The following EFNA5 variants were observed in gnomAD, a reference collection of about 807,000 sequenced individuals.
EFNA5 encodes ephrin-A5.
Under a neutral mutation model 22.9 loss-of-function variants are expected in EFNA5, and 5 were observed. The ratio of observed to expected loss-of-function variants is 0.22; its 90% CI spans 0.11 to 0.46. EFNA5 has a LOEUF of 0.46. Among genes scored for constraint, EFNA5 ranks in the 20% least tolerant of loss-of-function variants. The pLI is 0.99. For synonymous variants in EFNA5, 113 were observed against 112.2 expected, an observed-to-expected ratio of 1.01 and a Z score of -0.04; for missense variants, 237 against 293.3, an observed-to-expected ratio of 0.81 and a Z score of 1.40.
chr5:107,550,670 G>A (rs1432597834), intron 1 of EFNA5, among the ~76,000 whole-genome samples: 1 of 152,120 alleles, frequency 6.6e-6, no homozygotes, highest in African/African-American at 2.4e-5. Context: ...TATTCCCAAA[G>A]AATACCAAAC....
intron 1 of EFNA5, among the ~76,000 whole-genome samples, chr5:107,615,863 G>A (rs1749901875): frequency 1.3e-5 from 2 of 152,158 alleles, no homozygotes; most frequent in Non-Finnish European, 2.9e-5. Flanking sequence ...TGGGTCAGAA[G>A]TTAGACACAC....
chr5:107,573,274 G>A (rs1198500571), intron 1 of EFNA5, among the ~76,000 whole-genome samples: 1 of 152,014 alleles, frequency 6.6e-6, no homozygotes, highest in African/African-American at 2.4e-5. Flanking sequence ...ATGGGCAAAA[G>A]AAACATGCTT....
chr5:107,557,459 G>T (rs931483610), intron 1 of EFNA5, among the ~76,000 whole-genome samples: 2 of 152,252 alleles, frequency 1.3e-5, no homozygotes, highest in Non-Finnish European at 2.9e-5. Flanking sequence ...CCCACTGGCA[G>T]AGTTGAGGGT....
intron 1 of EFNA5, among the ~76,000 whole-genome samples, chr5:107,624,569 T>C (rs923740907): frequency 1.4e-4 from 22 of 152,148 alleles, no homozygotes; most frequent in African/African-American, 5.3e-4. Context: ...TTATCACTTT[T>C]ACTAATTTGG....
chr5:107,460,364 T>G (rs145164706), intron 1 of EFNA5, among the ~76,000 whole-genome samples: 1 of 152,304 alleles, frequency 6.6e-6, no homozygotes, highest in East Asian at 1.9e-4. Context: ...TATTATTGCC[T>G]GCTGACTATT....
At chr5:107,568,157 A>G (rs1051940457) in intron 1 of EFNA5, among the ~76,000 whole-genome samples, 6 of 152,128 alleles carry the variant, frequency 3.9e-5, no homozygotes, top group African/African-American at 1.4e-4. Context: ...TCAGCCTCCA[A>G]AAGTGCTGAG....
chr5:107,426,099 T>C (rs915557609), intron 2 of EFNA5, among the ~76,000 whole-genome samples: 1 of 152,232 alleles, frequency 6.6e-6, no homozygotes, highest in African/African-American at 2.4e-5. Context: ...CCTATTTACA[T>C]GTCTGCTCCC....
chr5:107,625,172 A>G (rs1360549856), intron 1 of EFNA5, among the ~76,000 whole-genome samples: 1 of 152,188 alleles, frequency 6.6e-6, no homozygotes, highest in African/African-American at 2.4e-5. Context: ...ATAAAGAAGG[A>G]AACTTTTTAA....
chr5:107,539,633 A>G (rs1249703449), intron 1 of EFNA5, among the ~76,000 whole-genome samples: 1 of 151,950 alleles, frequency 6.6e-6, no homozygotes, highest in African/African-American at 2.4e-5. Context: ...TAATTTTTGT[A>G]TTTTTAGTAG....
chr5:107,511,888 C>T lies in EFNA5; in HGVS notation c.126-84379G>A, dbSNP rs556186856. Reference sequence around the variant, plus strand: ...CAAAGGGCTAAAAAACAATTATAGCCCTGCCTACTCACAATGCATTCCCCC... The same window carrying T: ...CAAAGGGCTAAAAAACAATTATAGCTCTGCCTACTCACAATGCATTCCCCC... On this transcript the variant is annotated intron_variant, in intron 1 of 4. Transcript: ENST00000333274. Among the ~76,000 whole-genome samples, 5 of 152,166 alleles carry T rather than the reference C, an allele frequency of 3.3e-5. No individual in the cohort carries two copies. In the South Asian group the frequency reaches 1.0e-3, roughly 32 times the overall value.
chr5:107,545,009 G>A (rs1748118033), intron 1 of EFNA5, among the ~76,000 whole-genome samples: 1 of 152,164 alleles, frequency 6.6e-6, no homozygotes, highest in Non-Finnish European at 1.5e-5. Flanking sequence ...CATGTGACTT[G>A]TAAAAAATCC....
At chr5:107,400,342 T>G (rs1414497449) in intron 2 of EFNA5, among the ~76,000 whole-genome samples, 1 of 146,710 alleles carries the variant, frequency 6.8e-6, no homozygotes, top group Non-Finnish European at 1.5e-5. Flanking sequence ...TAAATAAACA[T>G]TTTACAGATA....
rs980276641 is a variant in EFNA5 at position 107,670,882 on chromosome 5, A to G, written c.-269T>C. 7.0e-6 allele frequency: 3 copies of G among 427,140 alleles called. No individual in the cohort carries two copies. The highest frequency in any genetic ancestry group is 4.2e-6 in the Non-Finnish European group (1 of 239,348). The allele number at this position is 427,140 out of a possible 1,614,324, so 26.5% of individuals were successfully genotyped here. A position where few individuals can be genotyped will look rare whatever the true frequency, so the allele number is the denominator to read the frequency against. On this transcript the variant is annotated 5_prime_UTR_variant, in exon 1 of 5. Coordinates refer to ENST00000333274, the MANE Select transcript of EFNA5 (RefSeq NM_001962.3). ...GGTTCAGGAGGAAAAAGGAATCACA[A>G]GATGGAGAGAAGCGTGCGTGTGTGT...
At chr5:107,519,193 C>T (rs1028585410) in intron 1 of EFNA5, among the ~76,000 whole-genome samples, 1 of 152,222 alleles carries the variant, frequency 6.6e-6, no homozygotes, top group Non-Finnish European at 1.5e-5. Context: ...GTTGCCCATG[C>T]AAAGTTTTAA....
intron 1 of EFNA5, among the ~76,000 whole-genome samples, chr5:107,430,273 C>G (rs1355138165): frequency 6.6e-6 from 1 of 152,140 alleles, no homozygotes; most frequent in Non-Finnish European, 1.5e-5. Flanking sequence ...TATGAAGCAT[C>G]AGCACTCAGA....
intron 1 of EFNA5, among the ~76,000 whole-genome samples, chr5:107,659,168 T>C (rs998392795): frequency 2.0e-5 from 3 of 152,190 alleles, no homozygotes; most frequent in Non-Finnish European, 4.4e-5. Flanking sequence ...CAATGATAAC[T>C]TTTAGATATT....
At chr5:107,618,558 A>G (rs192230500) in intron 1 of EFNA5, among the ~76,000 whole-genome samples, 15 of 152,370 alleles carry the variant, frequency 9.8e-5, no homozygotes, top group Middle Eastern at 3.4e-3. Flanking sequence ...ATCTTCAGAA[A>G]TGTCAGATTT....
chr5:107,568,081 G>C (rs1478174110), intron 1 of EFNA5, among the ~76,000 whole-genome samples: 2 of 151,924 alleles, frequency 1.3e-5, no homozygotes, highest in Non-Finnish European at 2.9e-5. Flanking sequence ...TTTTTTTGTA[G>C]GGATGGGGTC....
At chr5:107,388,205 CAG>C (rs773456302) in intron 2 of EFNA5, among the ~76,000 whole-genome samples, 29 of 152,178 alleles carry the variant, frequency 1.9e-4, no homozygotes, top group Non-Finnish European at 3.4e-4. Flanking sequence ...AAACCAATAA[CAG>C]AGAGTTACAA....
Sources: gnomAD v4.1 joint callset for allele counts (sites outside exome capture counted in the v4.1 genomes callset) on GRCh38, gnomAD v4.1.1 for gene constraint, MANE v1.5 for transcripts, NCBI Gene and HGNC (gene_info 2026-07-23, HGNC 2026-07-21) for gene names.